Variants in PARD3B observed in about 807,000 individuals in gnomAD.
PARD3B encodes par-3 family cell polarity regulator beta, also known as partitioning defective 3 homolog B.
A neutral mutation model predicts 130.2 loss-of-function variants in PARD3B; 103 were observed. The observed-to-expected ratio is 0.79, with a 90% confidence interval of 0.67 to 0.93. PARD3B has a LOEUF of 0.93. PARD3B is among the 40% of genes least tolerant of loss of function. The pLI is 0.00. For missense variants in PARD3B, 1,609 were observed against 1,499.2 expected, an observed-to-expected ratio of 1.07 and a Z score of -1.21; for synonymous variants, 583 against 553.2, an observed-to-expected ratio of 1.05 and a Z score of -0.76.
In PARD3B at chr2:205,230,162, G is replaced by A. The variant is rs1331255481; in HGVS notation, c.2141-15616G>A. Among the ~76,000 whole-genome samples the A allele has an allele frequency of 6.6e-6, 1 of 151,884 alleles. No individual in the cohort carries two copies. The highest frequency in any genetic ancestry group is 6.6e-5 in the Admixed American group (1 of 15,246). On this transcript the variant is annotated intron_variant, in intron 15 of 22. Coordinates refer to ENST00000406610, the MANE Select transcript of PARD3B (RefSeq NM_001302769.2). The surrounding 1 kb of genome is among the most constrained non-coding windows in gnomAD (Gnocchi z 4.1). Reference sequence around the variant, plus strand: ...CCACTACGGCTGAGCTGGTACCTAAGGTGCAAGACCAAGTCCCTCTCCTTT... The same window carrying A: ...CCACTACGGCTGAGCTGGTACCTAAAGTGCAAGACCAAGTCCCTCTCCTTT...
Position 205,300,702 on chromosome 2 carries a change from C to A in PARD3B, c.2358C>A (p.Asp786Glu). 1.9e-6 allele frequency: 3 copies of A among 1,613,710 alleles called. No individual in the cohort carries two copies. The highest frequency in any genetic ancestry group is 2.5e-6 in the Non-Finnish European group (3 of 1,179,782). The part of the protein sequence containing the change: ...GCNESFRAAI[D>E]KSYDGPEEIE... ...ATGAGAGCTTTAGAGCAGCCATTGACAAATCCTACGATGGACCTGAAGAAA... is the reference window on the plus strand; with the variant it reads ...ATGAGAGCTTTAGAGCAGCCATTGAAAAATCCTACGATGGACCTGAAGAAA... The change falls in exon 17 of 23, where the codon GAC becomes GAA. Residue 786 changes from aspartate (D) to glutamate (E), a missense_variant. Asp to Glu is a conservative substitution (Grantham distance 45). Coordinates refer to ENST00000406610, the MANE Select transcript of PARD3B (RefSeq NM_001302769.2). This position sits in a 1 kb window ranked among gnomAD's most constrained non-coding sequence, Gnocchi z 4.1.
intron 20 of PARD3B, among the ~76,000 whole-genome samples, chr2:205,489,467 C>T (rs899382223): frequency 2.2e-5 from 3 of 139,038 alleles, no homozygotes; most frequent in African/African-American, 8.1e-5. Flanking sequence ...CAGTATAAGA[C>T]TCTGCCTCTA....
chr2:205,186,099 A>G (rs1460864613), intron 14 of PARD3B, among the ~76,000 whole-genome samples: 1 of 152,222 alleles, frequency 6.6e-6, no homozygotes, highest in Non-Finnish European at 1.5e-5. Flanking sequence ...TTATTAAAAT[A>G]TTTAAGAAAA....
At chr2:204,607,093 C>T (rs971854745) in intron 1 of PARD3B, among the ~76,000 whole-genome samples, 1 of 152,110 alleles carries the variant, frequency 6.6e-6, no homozygotes, top group Non-Finnish European at 1.5e-5. Flanking sequence ...GGCATAGTCA[C>T]TAGGGTTCTG....
chr2:204,647,036 C>G (rs558834431), intron 1 of PARD3B, among the ~76,000 whole-genome samples: 1 of 152,038 alleles, frequency 6.6e-6, no homozygotes, highest in Non-Finnish European at 1.5e-5. Context: ...ATTCAAGATA[C>G]AATTTCTACT....
intron 1 of PARD3B, among the ~76,000 whole-genome samples, chr2:204,652,664 A>G (rs1002247231): frequency 6.6e-6 from 1 of 152,216 alleles, no homozygotes; most frequent in Non-Finnish European, 1.5e-5. Flanking sequence ...GCAGTGCTCC[A>G]CTAATACCAA....
At chr2:204,994,773 G>A (rs1327969266) in intron 3 of PARD3B, among the ~76,000 whole-genome samples, 2 of 144,682 alleles carry the variant, frequency 1.4e-5, no homozygotes, top group East Asian at 4.1e-4. Context: ...CCTGTATTGG[G>A]TGCATAAATA....
intron 2 of PARD3B, among the ~76,000 whole-genome samples, chr2:204,855,722 A>G (rs763291371): frequency 6.6e-6 from 1 of 151,870 alleles, no homozygotes; most frequent in Non-Finnish European, 1.5e-5. Context: ...CCATTGCTCC[A>G]TATTCTGGTA....
intron 1 of PARD3B, among the ~76,000 whole-genome samples, chr2:204,579,179 C>T (rs559684995): frequency 9.9e-4 from 150 of 152,026 alleles, no homozygotes; most frequent in African/African-American, 3.1e-3. Context: ...TAATCATGGC[C>T]GCCATTTTGT....
chr2:205,499,992 C>T lies in PARD3B; in HGVS notation c.3141C>T (p.Asp1047=), dbSNP rs370080728. The change falls in exon 21 of 23, where the codon GAC becomes GAT. Residue 1047 remains aspartate, a synonymous_variant. Coordinates refer to ENST00000406610, the MANE Select transcript of PARD3B (RefSeq NM_001302769.2). ...RREGFPLYED[D]EGRARPSEYD... ...AAGGTTTCCCTTTATATGAAGACGA[C>T]GAAGGAAGAGCAAGGCCATCTGAGT... The T allele has an allele frequency of 2.7e-5, 43 of 1,613,598 alleles. No homozygotes were observed. Among genetic ancestry groups the T allele is most frequent in the African/African-American group, 4.0e-5 (3 of 74,866 alleles).
At position 205,615,790 on chromosome 2, in the gene PARD3B, A is replaced by G. The variant is rs1208977960; in HGVS notation, c.3595A>G (p.Asn1199Asp). Residue 1199 changes from asparagine (N) to aspartate (D), a missense_variant, in exon 23 of 23, where the codon AAC becomes GAC. Transcript: ENST00000406610. ...PYRTQDSRQK[N>D]PMTAAV ...CCGAACCCAGGATTCCCGGCAGAAG[A>G]ACCCCATGACTGCAGCCGTATAGCT... 4 of 1,613,558 alleles carry G rather than the reference A, an allele frequency of 2.5e-6. No homozygotes were observed. Among genetic ancestry groups the G allele is most frequent in the Middle Eastern group, 3.3e-4 (2 of 6,058 alleles).
At chr2:204,850,549 A>T (rs2125604896) in intron 2 of PARD3B, among the ~76,000 whole-genome samples, 1 of 150,434 alleles carries the variant, frequency 6.6e-6, no homozygotes, top group South Asian at 2.1e-4. Flanking sequence ...GAAAACATGT[A>T]AAAGGCAGAG....
intron 15 of PARD3B, among the ~76,000 whole-genome samples, chr2:205,223,623 A>AAAACC (rs1050861611): frequency 1.3e-5 from 2 of 151,820 alleles, no homozygotes; most frequent in African/African-American, 2.4e-5. Flanking sequence ...GTATTCAAAA[A>AAAACC]AACCAACCAA....
intron 19 of PARD3B, among the ~76,000 whole-genome samples, chr2:205,428,331 G>C (rs2047215951): frequency 6.6e-6 from 1 of 152,150 alleles, no homozygotes. Flanking sequence ...AGTGAGCAGA[G>C]ATTATGCAGT....
At chr2:204,598,471 G>A (rs539168571) in intron 1 of PARD3B, among the ~76,000 whole-genome samples, 24 of 152,162 alleles carry the variant, frequency 1.6e-4, no homozygotes, top group African/African-American at 5.8e-4. Context: ...AGGATATTTA[G>A]CCTATAGCCT....
At chr2:205,282,749 A>G (rs2041239365) in intron 16 of PARD3B, among the ~76,000 whole-genome samples, 1 of 152,200 alleles carries the variant, frequency 6.6e-6, no homozygotes, top group African/African-American at 2.4e-5. Context: ...ATTGCACAGA[A>G]AAGTTCTCTG....
intron 2 of PARD3B, among the ~76,000 whole-genome samples, chr2:204,931,855 A>G (rs1688060387): frequency 6.6e-6 from 1 of 152,086 alleles, no homozygotes; most frequent in Non-Finnish European, 1.5e-5. Flanking sequence ...ATGAATTTGC[A>G]CCTCAAGCTT....
At chr2:204,927,394 A>G (rs573969460) in intron 2 of PARD3B, among the ~76,000 whole-genome samples, 93 of 152,266 alleles carry the variant, frequency 6.1e-4, no homozygotes, top group African/African-American at 2.2e-3. Flanking sequence ...TCAACCATCT[A>G]TGAACCAGAA....
At chr2:205,082,511 A>G (rs1382658395) in intron 4 of PARD3B, among the ~76,000 whole-genome samples, 1 of 152,116 alleles carries the variant, frequency 6.6e-6, no homozygotes, top group Non-Finnish European at 1.5e-5. Context: ...CCTGTTTTCA[A>G]ACCTGGAAAA....
Sources: gnomAD v4.1 joint callset for allele counts (sites outside exome capture counted in the v4.1 genomes callset) on GRCh38, gnomAD v4.1.1 for gene constraint, Gnocchi (gnomAD v3.1) non-coding constraint, MANE v1.5 for transcripts, NCBI Gene and HGNC (gene_info 2026-07-23, HGNC 2026-07-21) for gene names.